The following CACNA2D3 variants were observed in gnomAD, a reference collection of about 807,000 sequenced individuals.
CACNA2D3 encodes the protein voltage-dependent calcium channel subunit alpha-2/delta-3.
A neutral mutation model predicts 160.6 loss-of-function variants in CACNA2D3; 60 were observed. That is an observed-to-expected ratio of 0.37 (90% CI 0.30 to 0.46). The LOEUF (loss-of-function observed/expected upper bound fraction) is 0.46, where lower values mean the gene tolerates loss of function less well. CACNA2D3 is among the 20% of genes least tolerant of loss of function. CACNA2D3 has a pLI of 1.00. For synonymous variants in CACNA2D3, 558 were observed against 492.9 expected, an observed-to-expected ratio of 1.13 and a Z score of -1.75; for missense variants, 1,205 against 1,365.0, an observed-to-expected ratio of 0.88 and a Z score of 1.85.
At chr3:54,487,961 A>G (rs905401581) in intron 4 of CACNA2D3, among the ~76,000 whole-genome samples, 1 of 152,216 alleles carries the variant, frequency 6.6e-6, no homozygotes. Flanking sequence ...GTGACTGGAA[A>G]GGTACAGGAG....
Position 54,919,461 on chromosome 3 carries a change from A to G in CACNA2D3, c.2449+19593A>G, listed in dbSNP as rs115847532. Among the ~76,000 whole-genome samples, 424 of 152,314 alleles carry G rather than the reference A, an allele frequency of 2.8e-3. 2 individuals are homozygous for G. Among genetic ancestry groups the G allele is most frequent in the African/African-American group, 9.8e-3 (407 of 41,572 alleles). On this transcript the variant is annotated intron_variant, in intron 27 of 37. Transcript: ENST00000474759. ...CAATACTGGAAGTTTAGTTCCTGGA[A>G]TTCGGTACCATGAATGTGTCTCCTC...
intron 11 of CACNA2D3, among the ~76,000 whole-genome samples, chr3:54,693,524 T>C (rs774242440): frequency 1.3e-5 from 2 of 152,242 alleles, no homozygotes; most frequent in Non-Finnish European, 2.9e-5. Context: ...ACTATACTTT[T>C]ATCATTATTT....
At chr3:54,495,211 T>G (rs1183162652) in intron 4 of CACNA2D3, among the ~76,000 whole-genome samples, 3 of 152,196 alleles carry the variant, frequency 2.0e-5, no homozygotes, top group African/African-American at 7.2e-5. Context: ...TGTTTTTATT[T>G]CTGGGTGACA....
At chr3:54,406,432 GTACAATGTGTGTACACATATA>G (rs1404779984) in intron 4 of CACNA2D3, among the ~76,000 whole-genome samples, 5 of 151,968 alleles carry the variant, frequency 3.3e-5, no homozygotes, top group African/African-American at 1.2e-4. Flanking sequence ...CACACACATT[GTACAATGTGTGTACACATATA>G]TACAATGGAA....
chr3:54,447,637 T>G (rs1406776638), intron 4 of CACNA2D3, among the ~76,000 whole-genome samples: 1 of 152,236 alleles, frequency 6.6e-6, no homozygotes, highest in African/African-American at 2.4e-5. Context: ...CTGCTGACAT[T>G]CAGGCAGGGA....
chr3:54,211,015 A>G (rs1487064990), intron 2 of CACNA2D3, among the ~76,000 whole-genome samples: 2 of 152,242 alleles, frequency 1.3e-5, no homozygotes, highest in East Asian at 3.8e-4. Flanking sequence ...AGCGTCAAAC[A>G]GGTATGAAAA....
intron 2 of CACNA2D3, among the ~76,000 whole-genome samples, chr3:54,210,162 G>A (rs1178972677): frequency 6.6e-6 from 1 of 152,182 alleles, no homozygotes; most frequent in Non-Finnish European, 1.5e-5. Flanking sequence ...CAGTAAGGAG[G>A]ATGTGGGGTG....
At chr3:54,538,802 C>T in intron 5 of CACNA2D3, among the ~76,000 whole-genome samples, 1 of 152,084 alleles carries the variant, frequency 6.6e-6, no homozygotes, top group Non-Finnish European at 1.5e-5. Context: ...TGGCCCATTT[C>T]TCTTAAGGGG....
Position 54,898,114 on chromosome 3 carries a change from T to C in CACNA2D3, c.2368+1244T>C, listed in dbSNP as rs1384007639. Among the ~76,000 whole-genome samples the C allele has an allele frequency of 2.0e-5, 3 of 150,342 alleles. No homozygotes were observed. The East Asian group carries it at 6.5e-4, about 32-fold the overall frequency. ...TCTTCCTTCCTTCCTTTCTTTCTTT[T>C]TTCTTTCTTTCTTTTTCTTTTTCTT... On this transcript the variant is annotated intron_variant, in intron 26 of 37. Transcript: ENST00000474759.
chr3:55,009,691 T>A (rs975397695), intron 34 of CACNA2D3, among the ~76,000 whole-genome samples: 4 of 152,220 alleles, frequency 2.6e-5, no homozygotes, highest in Admixed American at 6.5e-5. Context: ...ACTAAGGCTT[T>A]GAGGTCATAC....
chr3:55,071,984 G>A (rs1330412575), intron 35 of CACNA2D3, among the ~76,000 whole-genome samples: 1 of 152,130 alleles, frequency 6.6e-6, no homozygotes, highest in Non-Finnish European at 1.5e-5. Flanking sequence ...TATGTTGATG[G>A]GCAAAATCCA....
intron 2 of CACNA2D3, among the ~76,000 whole-genome samples, chr3:54,270,116 T>A (rs542037174): frequency 2.0e-5 from 3 of 152,342 alleles, no homozygotes; most frequent in African/African-American, 4.8e-5. Context: ...AAGCGTTTTT[T>A]AAATTCTTCT....
chr3:54,210,916 A>G (rs1233201957), intron 2 of CACNA2D3, among the ~76,000 whole-genome samples: 5 of 152,118 alleles, frequency 3.3e-5, no homozygotes, highest in Non-Finnish European at 5.9e-5. Flanking sequence ...GTTTTAATGG[A>G]GGGATATGTT....
Position 54,368,263 on chromosome 3 carries a change from A to T in CACNA2D3, c.322-18452A>T, listed in dbSNP as rs1240663508. ...GGTGGGAGGATCGCTTGAGCCCGGG[A>T]GTTCTAGACCAGCCTAGGCAATGTA... On this transcript the variant is annotated intron_variant, in intron 3 of 37. Transcript: ENST00000474759. Among the ~76,000 whole-genome samples, 4 of 152,168 alleles carry T rather than the reference A, an allele frequency of 2.6e-5. No individual in the cohort carries two copies. In the East Asian group the frequency reaches 7.7e-4, roughly 29 times the overall value.
chr3:54,467,113 T>C (rs1700642191), intron 4 of CACNA2D3, among the ~76,000 whole-genome samples: 3 of 151,652 alleles, frequency 2.0e-5, no homozygotes, highest in South Asian at 2.1e-4. Context: ...CAAACAACAA[T>C]AGGGGTCCTG....
intron 4 of CACNA2D3, among the ~76,000 whole-genome samples, chr3:54,458,023 G>A (rs1428011037): frequency 6.6e-6 from 1 of 151,848 alleles, no homozygotes; most frequent in Admixed American, 6.6e-5. Context: ...TTGTATTTTT[G>A]TATCCATTCT....
intron 5 of CACNA2D3, among the ~76,000 whole-genome samples, chr3:54,546,094 A>G (rs920936730): frequency 5.3e-5 from 8 of 152,254 alleles, no homozygotes; most frequent in East Asian, 1.9e-4. Flanking sequence ...TGCTATGGCA[A>G]TTTTGTGGCC....
At chr3:54,293,085 C>T (rs548579570) in intron 2 of CACNA2D3, among the ~76,000 whole-genome samples, 2 of 152,234 alleles carry the variant, frequency 1.3e-5, no homozygotes, top group East Asian at 1.9e-4. Context: ...AAAGGACAAA[C>T]ATTGTGTGAT....
chr3:54,784,286 A>G (rs955866683), intron 13 of CACNA2D3, among the ~76,000 whole-genome samples: 7 of 152,202 alleles, frequency 4.6e-5, no homozygotes, highest in African/African-American at 1.4e-4. Flanking sequence ...TGCAGCAGTG[A>G]TCTGCGGCTC....
Sources: allele counts gnomAD v4.1 joint callset (sites outside exome capture counted in the v4.1 genomes callset), GRCh38; gene constraint gnomAD v4.1.1; transcripts MANE v1.5; gene names NCBI Gene and HGNC (gene_info 2026-07-23, HGNC 2026-07-21).